SLC9D1: variants seen among roughly 807,000 people sequenced by gnomAD.
SLC9D1 encodes putative LAG1-interacting protein.
At chr13:113,543,237 CT>C in the SLC9D1 span, among the ~76,000 whole-genome samples, 3 of 61,656 alleles carry the variant, frequency 4.9e-5, no homozygotes, top group African/African-American at 1.7e-4. Flanking sequence ...CCCTGCGCCC[CT>C]ACCCTCCCTG....
At chr13:113,503,432 G>A in the SLC9D1 span, 1 of 1,256,646 alleles carries the variant, frequency 8.0e-7, no homozygotes, top group Non-Finnish European at 1.2e-6. Flanking sequence ...CATGATTGTT[G>A]AGTTAAGTAT....
the SLC9D1 span, chr13:113,514,532 G>GCTGTCACC: frequency 2.8e-3 from 368 of 133,732 alleles, no homozygotes; most frequent in African/African-American, 5.2e-3. Flanking sequence ...ACCGAGTCTT[G>GCTGTCACC]CAACAGGAAG....
chr13:113,522,635 C>T, the SLC9D1 span, among the ~76,000 whole-genome samples: 27,995 of 150,652 alleles, frequency 0.19, 3,403 homozygotes, highest in African/African-American at 0.35. Flanking sequence ...CAACCGCGCC[C>T]GGCTGTTGTT....
the SLC9D1 span, chr13:113,530,378 A>T: frequency 6.6e-6 from 1 of 152,242 alleles, no homozygotes; most frequent in South Asian, 2.1e-4. Flanking sequence ...ATTATATATC[A>T]TAGCTGTTAA....
chr13:113,548,150 G>A, the SLC9D1 span, among the ~76,000 whole-genome samples: 1 of 152,142 alleles, frequency 6.6e-6, no homozygotes, highest in East Asian at 1.9e-4. Context: ...GTGCCTTCGG[G>A]TGTTTGGAGT....
chr13:113,506,751 T>C, the SLC9D1 span, among the ~76,000 whole-genome samples: 2 of 152,334 alleles, frequency 1.3e-5, no homozygotes, highest in East Asian at 1.9e-4. Context: ...CTTCTGGCTC[T>C]GCATTTTCAT....
the SLC9D1 span, chr13:113,529,594 G>T: frequency 6.6e-6 from 1 of 152,018 alleles, no homozygotes; most frequent in Non-Finnish European, 1.5e-5. Flanking sequence ...AGGTTGCAGT[G>T]AGCTGAGATC....
chr13:113,545,932 A>T, the SLC9D1 span: 1 of 152,328 alleles, frequency 6.6e-6, no homozygotes, highest in Non-Finnish European at 1.5e-5. Context: ...AATCTCTGGA[A>T]CAGGACATTC....
chr13:113,508,915 G>A, the SLC9D1 span, among the ~76,000 whole-genome samples: 130 of 151,674 alleles, frequency 8.6e-4, no homozygotes, highest in African/African-American at 3.0e-3. Flanking sequence ...TGGGGCTGGC[G>A]GGCTTGGTGG....
chr13:113,495,890 G>T, the SLC9D1 span: 12 of 1,614,074 alleles, frequency 7.4e-6, no homozygotes, highest in Non-Finnish European at 1.0e-5. Context: ...AGAAAGAGCT[G>T]AATGAAAGTG....
chr13:113,510,374 C>T, the SLC9D1 span: 8 of 1,613,904 alleles, frequency 5.0e-6, no homozygotes, highest in Non-Finnish European at 6.8e-6. Flanking sequence ...TTGTCAAGCA[C>T]ACCCCTCGTG....
At chr13:113,542,462 G>A in the SLC9D1 span, among the ~76,000 whole-genome samples, 5 of 152,240 alleles carry the variant, frequency 3.3e-5, no homozygotes, top group Admixed American at 6.5e-5. Flanking sequence ...GGGAGAATGC[G>A]TGTTATTCTC....
chr13:113,503,261 A>C, the SLC9D1 span, among the ~76,000 whole-genome samples: 1 of 152,294 alleles, frequency 6.6e-6, no homozygotes, highest in East Asian at 1.9e-4. Context: ...ATGGAAAATA[A>C]TGTAATTATA....
the SLC9D1 span, chr13:113,510,172 G>A: frequency 7.0e-7 from 1 of 1,423,982 alleles, no homozygotes. Flanking sequence ...AATGCGTGAA[G>A]TCTGTGTGGT....
the SLC9D1 span, among the ~76,000 whole-genome samples, chr13:113,519,129 C>T: frequency 4.9e-4 from 75 of 151,760 alleles, no homozygotes; most frequent in East Asian, 1.7e-3. Flanking sequence ...CTGTAACCTC[C>T]GCCTCCTGGG....
chr13:113,495,767 C>T, the SLC9D1 span: 3 of 1,614,054 alleles, frequency 1.9e-6, no homozygotes, highest in Non-Finnish European at 2.5e-6. Flanking sequence ...GGCTTCTCCG[C>T]CAGAAGAATG....
At chr13:113,547,481 CG>C in the SLC9D1 span, 2 of 913,358 alleles carry the variant, frequency 2.2e-6, no homozygotes, top group Non-Finnish European at 3.5e-6. Flanking sequence ...CCTGCAGAGC[CG>C]GCCCTGCTCC....
At chr13:113,527,374 A>C in the SLC9D1 span, 1 of 151,974 alleles carries the variant, frequency 6.6e-6, no homozygotes, top group Non-Finnish European at 1.5e-5. Context: ...GCTGGCCACA[A>C]ATTCTCTAAG....
the SLC9D1 span, among the ~76,000 whole-genome samples, chr13:113,542,371 G>A: frequency 6.8e-6 from 1 of 146,570 alleles, no homozygotes; most frequent in East Asian, 2.0e-4. Flanking sequence ...ATACGCACAC[G>A]GTCGCTGATC....
Sources: allele counts gnomAD v4.1 joint callset (sites outside exome capture counted in the v4.1 genomes callset), GRCh38; gene constraint gnomAD v4.1.1; transcripts MANE v1.5; gene names NCBI Gene and HGNC (gene_info 2026-07-23, HGNC 2026-07-21).